The following FANK1 variants were observed in gnomAD, a reference collection of about 807,000 sequenced individuals.
The protein encoded by FANK1 is fibronectin type 3 and ankyrin repeat domains protein 1.
FANK1 carries 44 observed loss-of-function variants against 45.3 expected under a neutral mutation model. The ratio of observed to expected loss-of-function variants is 0.97; its 90% CI spans 0.76 to 1.25. The LOEUF (loss-of-function observed/expected upper bound fraction) is 1.25. Among genes scored for constraint, FANK1 ranks in the 50% most tolerant of loss-of-function variants. The probability of loss-of-function intolerance (pLI) is 0.00; values close to 1 mark genes in which losing one functional copy is unlikely to be tolerated. For synonymous variants in FANK1, 149 were observed against 152.5 expected (o/e 0.98, Z 0.17); for missense variants, 391 against 424.4 (o/e 0.92, Z 0.69).
intron 2 of FANK1, among the ~76,000 whole-genome samples, chr10:125,984,620 G>T (rs1192940996): frequency 6.6e-6 from 1 of 152,166 alleles, no homozygotes; most frequent in Non-Finnish European, 1.5e-5. Context: ...AAGGGTCTGG[G>T]TTGGAGAGAC....
chr10:125,963,744 G>A (rs1410008519), intron 1 of FANK1, among the ~76,000 whole-genome samples: 1 of 152,152 alleles, frequency 6.6e-6, no homozygotes, highest in Non-Finnish European at 1.5e-5. Context: ...GGCCTGTCAT[G>A]GGGTGTGGGT....
At chr10:125,964,386 T>A (rs1410029059) in intron 1 of FANK1, among the ~76,000 whole-genome samples, 1 of 151,784 alleles carries the variant, frequency 6.6e-6, no homozygotes, top group East Asian at 1.9e-4. Context: ...GCAGATGGGG[T>A]TTCACTATGT....
intron 6 of FANK1, among the ~76,000 whole-genome samples, chr10:126,000,024 C>T (rs1952642206): frequency 1.3e-5 from 2 of 152,000 alleles, no homozygotes; most frequent in Middle Eastern, 3.4e-3. Flanking sequence ...CCTGCAATTA[C>T]TGGTTAATAA....
At chr10:125,924,332 C>T (rs1947172197) in intron 1 of FANK1, among the ~76,000 whole-genome samples, 1 of 151,342 alleles carries the variant, frequency 6.6e-6, no homozygotes, top group Admixed American at 6.6e-5. Context: ...CGGCTCACTG[C>T]AACCTCCAGC....
At chr10:125,919,807 A>C (rs1946813972) in intron 1 of FANK1, among the ~76,000 whole-genome samples, 1 of 152,184 alleles carries the variant, frequency 6.6e-6, no homozygotes, top group Non-Finnish European at 1.5e-5. Flanking sequence ...AGCAGCCCAA[A>C]AACTCTAGAT....
chr10:125,986,702 A>G (rs1161810566), intron 2 of FANK1, among the ~76,000 whole-genome samples: 1 of 152,166 alleles, frequency 6.6e-6, no homozygotes, highest in Non-Finnish European at 1.5e-5. Context: ...CTCACTTGAC[A>G]TCAGAGATAC....
At chr10:125,957,002 G>A (rs1269103826) in intron 1 of FANK1, among the ~76,000 whole-genome samples, 1 of 152,098 alleles carries the variant, frequency 6.6e-6, no homozygotes, top group African/African-American at 2.4e-5. Flanking sequence ...GGGACTACAG[G>A]TGTGTGCCAG....
intron 1 of FANK1, among the ~76,000 whole-genome samples, chr10:125,974,283 G>A (rs73368670): frequency 0.03 from 4,563 of 152,304 alleles, 201 homozygotes; most frequent in African/African-American, 0.098. Flanking sequence ...GGCAAGACCA[G>A]GGCAGCCCTG....
chr10:125,924,177 C>A (rs1483139217), intron 1 of FANK1, among the ~76,000 whole-genome samples: 3 of 152,008 alleles, frequency 2.0e-5, no homozygotes, highest in Admixed American at 6.6e-5. Flanking sequence ...TTTTGTATTT[C>A]ATTTGTTTGT....
intron 1 of FANK1, among the ~76,000 whole-genome samples, chr10:125,921,410 C>CT (rs1356843717): frequency 3.9e-5 from 6 of 151,964 alleles, no homozygotes; most frequent in Non-Finnish European, 7.4e-5. Flanking sequence ...ACATGGTTTG[C>CT]TTATTGGTTT....
intron 1 of FANK1, among the ~76,000 whole-genome samples, chr10:125,927,016 G>T (rs1456814701): frequency 6.6e-6 from 1 of 152,140 alleles, no homozygotes; most frequent in Admixed American, 6.6e-5. Context: ...TCTAGTTGCT[G>T]CTCTTACCTC....
At position 125,994,759 on chromosome 10, in the gene FANK1, C is replaced by T. The variant is rs570379263; in HGVS notation, c.317-658C>T. ...GCTGCCCGCCTGCCTGTTGGCTTCG[C>T]TGTGGAGCTGATGTCCCCTGTACAA... On this transcript the variant is annotated intron_variant, in intron 3 of 10. Transcript: ENST00000368693. 3.4e-4 allele frequency: 333 copies of T among 985,400 alleles called. 3 individuals carry two copies. In the South Asian group the frequency reaches 6.2e-3, roughly 18 times the overall value. 61.0% of individuals were successfully genotyped at this position (985,400 alleles called of 1,614,324 possible).
At chr10:125,989,588 G>T in intron 3 of FANK1, 2 of 683,112 alleles carry the variant, frequency 2.9e-6, no homozygotes, top group Admixed American at 4.6e-5. Flanking sequence ...TGGCATGAGG[G>T]GACAGGATCT....
Position 125,980,141 on chromosome 10 carries a change from G to A in FANK1, c.14-20G>A, listed in dbSNP as rs201332025. ...TTATGGAAACTGGGTCCTGAAGTTC[G>A]GTGTCATTCTTTTTTTTAGAAATCA... On this transcript the variant is annotated intron_variant, in intron 1 of 10. Coordinates refer to ENST00000368693, the MANE Select transcript of FANK1 (RefSeq NM_145235.5). 13 of 1,603,896 alleles carry A rather than the reference G, an allele frequency of 8.1e-6. No individual in the cohort carries two copies. Among genetic ancestry groups the A allele is most frequent in the South Asian group, 2.2e-5 (2 of 89,094 alleles).
intron 1 of FANK1, among the ~76,000 whole-genome samples, chr10:125,976,139 G>A (rs61870956): frequency 3.4e-5 from 5 of 147,564 alleles, no homozygotes; most frequent in Non-Finnish European, 6.0e-5. Context: ...TTTTTTTAAA[G>A]AATGTTGAAT....
chr10:125,924,806 C>CA (rs58856642), intron 1 of FANK1, among the ~76,000 whole-genome samples: 3,346 of 69,380 alleles, frequency 0.048, 17 homozygotes, highest in African/African-American at 0.12. Context: ...GACCCCATCT[C>CA]AAAAAAAAAA....
chr10:125,939,620 C>T (rs540272842), intron 1 of FANK1, among the ~76,000 whole-genome samples: 13 of 152,114 alleles, frequency 8.5e-5, no homozygotes, highest in East Asian at 7.7e-4. Flanking sequence ...GACTAATCCC[C>T]GTATCTCTTT....
intron 1 of FANK1, among the ~76,000 whole-genome samples, chr10:125,966,697 C>T (rs2134185526): frequency 6.6e-6 from 1 of 152,316 alleles, no homozygotes; most frequent in South Asian, 2.1e-4. Context: ...GAAGCATCCA[C>T]ATTGACTTAT....
intron 1 of FANK1, among the ~76,000 whole-genome samples, chr10:125,935,741 A>G (rs1261731738): frequency 1.3e-5 from 2 of 152,156 alleles, no homozygotes; most frequent in Non-Finnish European, 1.5e-5. Context: ...ATCTTCTCCT[A>G]TATATTTTGG....
Sources: gnomAD v4.1 joint callset for allele counts (sites outside exome capture counted in the v4.1 genomes callset) on GRCh38, gnomAD v4.1.1 for gene constraint, MANE v1.5 for transcripts, NCBI Gene and HGNC (gene_info 2026-07-23, HGNC 2026-07-21) for gene names.